The following TRAPPC9 variants were observed in gnomAD, a reference collection of about 807,000 sequenced individuals.
TRAPPC9 encodes the protein IKK2 binding protein.
Under a neutral mutation model 124.0 loss-of-function variants are expected in TRAPPC9, and 83 were observed. The ratio of observed to expected loss-of-function variants is 0.67; its 90% confidence interval spans 0.56 to 0.80. The LOEUF is 0.80. TRAPPC9 is among the 30% of genes least tolerant of loss of function. The pLI is 0.00. For missense variants in TRAPPC9, 1,302 were observed against 1,508.3 expected, an observed-to-expected ratio of 0.86 and a Z score of 2.27; for synonymous variants, 638 against 617.5, an observed-to-expected ratio of 1.03 and a Z score of -0.49.
intron 19 of TRAPPC9, among the ~76,000 whole-genome samples, chr8:139,972,742 CAGAG>C (rs1297992221): frequency 1.3e-5 from 2 of 152,222 alleles, no homozygotes; most frequent in Non-Finnish European, 2.9e-5. Context: ...CCTGGGGTCA[CAGAG>C]AGAATGAAAA....
intron 16 of TRAPPC9, among the ~76,000 whole-genome samples, chr8:140,240,082 G>T (rs944345658): frequency 6.6e-6 from 1 of 152,062 alleles, no homozygotes; most frequent in Non-Finnish European, 1.5e-5. Context: ...GGAAGCATCC[G>T]TTATCATTAA....
rs138738032 is a variant in TRAPPC9 at position 140,332,215 on chromosome 8, G to A, written c.1496-20841C>T. On this transcript the variant is annotated intron_variant, in intron 9 of 22. Coordinates refer to ENST00000438773, the MANE Select transcript of TRAPPC9 (RefSeq NM_001160372.4). Reference sequence around the variant, plus strand: ...AATGTCCTAAAGGGCATTATGTTAAGTAAAATAAGCCAGGCACAGAAAGGC... The same window carrying A: ...AATGTCCTAAAGGGCATTATGTTAAATAAAATAAGCCAGGCACAGAAAGGC... 1.1e-4 allele frequency among the ~76,000 whole-genome samples: 16 copies of A among 152,310 alleles called. No homozygotes were observed. In the East Asian group the frequency reaches 3.1e-3, roughly 29 times the overall value.
intron 21 of TRAPPC9, among the ~76,000 whole-genome samples, chr8:139,844,081 C>T (rs1335298038): frequency 1.3e-5 from 2 of 152,164 alleles, no homozygotes; most frequent in African/African-American, 4.8e-5. Context: ...CAGCGGCTTC[C>T]CAGAGACCCA....
intron 21 of TRAPPC9, among the ~76,000 whole-genome samples, chr8:139,875,670 G>T (rs759155181): frequency 1.3e-5 from 2 of 152,218 alleles, no homozygotes; most frequent in African/African-American, 2.4e-5. Context: ...CTCAACTCAG[G>T]CCGACCAGGC....
intron 6 of TRAPPC9, among the ~76,000 whole-genome samples, chr8:140,404,794 A>ATGTG (rs897905431): frequency 6.8e-6 from 1 of 147,300 alleles, no homozygotes; most frequent in Non-Finnish European, 1.5e-5. Flanking sequence ...GCTTGTATGT[A>ATGTG]TGTGTGTGTG....
intron 7 of TRAPPC9, among the ~76,000 whole-genome samples, chr8:140,387,192 TAA>T (rs1472484366): frequency 3.3e-5 from 5 of 152,166 alleles, no homozygotes; most frequent in Admixed American, 3.3e-4. Context: ...ACTTAAATGT[TAA>T]GTCTTTAATG....
chr8:139,953,484 T>C (rs1278639760), intron 19 of TRAPPC9, among the ~76,000 whole-genome samples: 2 of 152,060 alleles, frequency 1.3e-5, no homozygotes, highest in Admixed American at 1.3e-4. Flanking sequence ...AGAGCAAGAC[T>C]CTGTCTCAAA....
At chr8:139,986,439 A>C (rs900277543) in intron 19 of TRAPPC9, among the ~76,000 whole-genome samples, 1 of 152,180 alleles carries the variant, frequency 6.6e-6, no homozygotes, top group Non-Finnish European at 1.5e-5. Context: ...AGCTATTTTT[A>C]CTTTTATTTT....
chr8:139,973,015 C>T (rs1352451462), intron 19 of TRAPPC9, among the ~76,000 whole-genome samples: 1 of 152,196 alleles, frequency 6.6e-6, no homozygotes, highest in Non-Finnish European at 1.5e-5. Flanking sequence ...CCAGCTACCC[C>T]ATGGACTAGG....
chr8:140,216,938 G>A lies in TRAPPC9; in HGVS notation c.2556+4521C>T, dbSNP rs1169865642. Among the ~76,000 whole-genome samples the A allele has an allele frequency of 6.6e-6, 1 of 152,172 alleles. No homozygotes were observed. The highest frequency in any genetic ancestry group is 1.5e-5 in the Non-Finnish European group (1 of 68,030). On this transcript the variant is annotated intron_variant, in intron 17 of 22. Transcript: ENST00000438773. The surrounding 1 kb of genome is among the most constrained non-coding windows in gnomAD (Gnocchi z 4.1). The stretch of plus-strand genomic sequence containing the variant: ...TCCATGAAGTCAAGACAGCCATGAT[G>A]CACCCTTGTTTCCCCATCACACGGC...
intron 17 of TRAPPC9, among the ~76,000 whole-genome samples, chr8:140,071,100 T>C (rs2129803596): frequency 6.6e-6 from 1 of 152,356 alleles, no homozygotes; most frequent in Admixed American, 6.5e-5. Flanking sequence ...TTTTCTCCAA[T>C]TTCCAGATGA....
rs77049164 is a variant in TRAPPC9 at position 139,901,387 on chromosome 8, T to C, written c.2964+8760A>G. 5.1e-3 allele frequency among the ~76,000 whole-genome samples: 784 copies of C among 152,344 alleles called. 2 individuals are homozygous for C. The highest frequency in any genetic ancestry group is 6.3e-3 in the Non-Finnish European group (427 of 68,028). On this transcript the variant is annotated intron_variant, in intron 20 of 22. Transcript: ENST00000438773. ...TCTTTGCCATGACTTTGTTTTCTAA[T>C]TTGCATCATGAACTTTCAGAATGCT...
At chr8:140,321,093 G>A (rs537677480) in intron 9 of TRAPPC9, among the ~76,000 whole-genome samples, 4 of 152,358 alleles carry the variant, frequency 2.6e-5, no homozygotes, top group South Asian at 2.1e-4. Flanking sequence ...AGGGAAGCTC[G>A]CTGAGAGGAG....
chr8:140,004,228 G>C (rs79259249), intron 18 of TRAPPC9, among the ~76,000 whole-genome samples: 3,915 of 152,316 alleles, frequency 0.026, 131 homozygotes, highest in African/African-American at 0.089. Flanking sequence ...AGTGTGTGAA[G>C]TGTTGCGGGT....
chr8:139,814,477 TGAG>T (rs1220320235), intron 21 of TRAPPC9, among the ~76,000 whole-genome samples: 1 of 152,068 alleles, frequency 6.6e-6, no homozygotes, highest in Non-Finnish European at 1.5e-5. Context: ...CCGGGGCCCC[TGAG>T]GAGGACATTA....
At chr8:140,368,975 A>G (rs2068202244) in intron 8 of TRAPPC9, among the ~76,000 whole-genome samples, 2 of 152,246 alleles carry the variant, frequency 1.3e-5, no homozygotes, top group South Asian at 2.1e-4. Flanking sequence ...TCTGGCCACC[A>G]TGTACTAATG....
At position 140,393,032 on chromosome 8, in the gene TRAPPC9, TTTTTATTTTA is replaced by T. The variant is rs200195467; in HGVS notation, c.1134+4578_1134+4587del. Among the ~76,000 whole-genome samples the T allele has an allele frequency of 6.2e-3, 855 of 138,094 alleles. 3 individuals carry two copies. Among genetic ancestry groups the T allele is most frequent in the East Asian group, 0.022 (109 of 4,874 alleles). The allele number at this position is 138,094 out of a possible 152,430, so 90.6% of individuals were successfully genotyped here. On this transcript the variant is annotated intron_variant, in intron 7 of 22. Coordinates refer to ENST00000438773, the MANE Select transcript of TRAPPC9 (RefSeq NM_001160372.4). ...AGTGAATATTATCATTCCCATTTTA[TTTTTATTTTA>T]TTTTATTTTATTTTATTTTATTTTA...
Position 139,729,219 on chromosome 8 carries a change from T to G in TRAPPC9, c.*1842A>C, listed in dbSNP as rs913517181. Reference sequence around the variant, plus strand: ...TAAACATGTTGTTATAGACACGTTCTGAGGCATAGAAAATTTATAATTTGG... The same window carrying G: ...TAAACATGTTGTTATAGACACGTTCGGAGGCATAGAAAATTTATAATTTGG... On this transcript the variant is annotated 3_prime_UTR_variant, in exon 23 of 23. Coordinates refer to ENST00000438773, the MANE Select transcript of TRAPPC9 (RefSeq NM_001160372.4). Among the ~76,000 whole-genome samples, 1 of 152,266 alleles carries G rather than the reference T, an allele frequency of 6.6e-6. No individual in the cohort carries two copies. The highest frequency in any genetic ancestry group is 2.1e-4 in the South Asian group (1 of 4,836).
In TRAPPC9 at chr8:140,125,587, C is replaced by CTTTTTTT. The variant is rs11292333; in HGVS notation, c.2556+95865_2556+95871dup. Among the ~76,000 whole-genome samples, 148 of 67,832 alleles carry CTTTTTTT rather than the reference C, an allele frequency of 2.2e-3. 5 individuals are homozygous for CTTTTTTT. The highest frequency in any genetic ancestry group is 3.6e-3 in the African/African-American group (59 of 16,284). 44.5% of individuals were successfully genotyped at this position (67,832 alleles called of 152,430 possible). A position where few individuals can be genotyped will look rare whatever the true frequency, so the allele number is the denominator to read the frequency against. On this transcript the variant is annotated intron_variant, in intron 17 of 22. Coordinates refer to ENST00000438773, the MANE Select transcript of TRAPPC9 (RefSeq NM_001160372.4). ...GCATGTTCATTTATCGAATCTCATTCTTTTTTTTTTTTTTTTTTTTTTTTT... is the reference window on the plus strand; with the variant it reads ...GCATGTTCATTTATCGAATCTCATTCTTTTTTTTTTTTTTTTTTTTTTTTTTTTTTTT...
Sources: allele counts gnomAD v4.1 joint callset (sites outside exome capture counted in the v4.1 genomes callset), GRCh38; gene constraint gnomAD v4.1.1; non-coding constraint Gnocchi (gnomAD v3.1); transcripts MANE v1.5; gene names NCBI Gene and HGNC (gene_info 2026-07-23, HGNC 2026-07-21).